Variants in PTPRM observed in about 807,000 individuals in gnomAD.
The protein encoded by PTPRM is receptor-type tyrosine-protein phosphatase mu.
PTPRM carries 47 observed loss-of-function variants against 186.7 expected under a neutral mutation model. The observed-to-expected ratio is 0.25, with a 90% CI of 0.20 to 0.32. The LOEUF (loss-of-function observed/expected upper bound fraction) is 0.32, where lower values mean the gene tolerates loss of function less well. Among genes scored for constraint, PTPRM ranks in the 10% least tolerant of loss-of-function variants. The pLI is 1.00. For missense variants in PTPRM, 1,494 were observed against 1,865.0 expected (o/e 0.80, Z 3.66); for synonymous variants, 668 against 674.9 (o/e 0.99, Z 0.16).
intron 7 of PTPRM, among the ~76,000 whole-genome samples, chr18:8,009,120 A>G (rs903881832): frequency 7.9e-5 from 12 of 152,144 alleles, no homozygotes; most frequent in African/African-American, 2.7e-4. Context: ...GAGCAAGGAC[A>G]TTTCAAACAA....
chr18:7,604,975 T>A (rs1481328582), intron 1 of PTPRM, among the ~76,000 whole-genome samples: 1 of 152,260 alleles, frequency 6.6e-6, no homozygotes, highest in Admixed American at 6.5e-5. Flanking sequence ...TTGAATTTTC[T>A]TTCTTGGTGC....
intron 13 of PTPRM, among the ~76,000 whole-genome samples, chr18:8,118,483 G>A (rs545369724): frequency 1.3e-5 from 2 of 152,202 alleles, no homozygotes; most frequent in East Asian, 1.9e-4. Flanking sequence ...TTCCCAGCAC[G>A]AATTTTTAAG....
At chr18:8,231,990 A>G (rs971550261) in intron 14 of PTPRM, among the ~76,000 whole-genome samples, 1 of 152,136 alleles carries the variant, frequency 6.6e-6, no homozygotes, top group African/African-American at 2.4e-5. Flanking sequence ...GGGTTTGACA[A>G]CTCTATAATG....
chr18:7,635,651 T>C (rs1463042878), intron 1 of PTPRM, among the ~76,000 whole-genome samples: 1 of 152,228 alleles, frequency 6.6e-6, no homozygotes, highest in East Asian at 1.9e-4. Flanking sequence ...AACATTCTTT[T>C]AAAATTTAAG....
chr18:7,753,362 T>C (rs965300156), intron 1 of PTPRM, among the ~76,000 whole-genome samples: 1 of 152,128 alleles, frequency 6.6e-6, no homozygotes, highest in African/African-American at 2.4e-5. Flanking sequence ...ATTTTCTACA[T>C]TTTAAGAGGA....
At chr18:7,687,801 C>T (rs1220723037) in intron 1 of PTPRM, among the ~76,000 whole-genome samples, 12 of 144,040 alleles carry the variant, frequency 8.3e-5, no homozygotes, top group South Asian at 4.3e-4. Flanking sequence ...TTTTTTAAGA[C>T]GGAGTCTCAC....
At chr18:7,690,005 G>C (rs1027886731) in intron 1 of PTPRM, among the ~76,000 whole-genome samples, 1 of 152,040 alleles carries the variant, frequency 6.6e-6, no homozygotes, top group Non-Finnish European at 1.5e-5. Flanking sequence ...TGGACACTTT[G>C]TTTTTTTAAA....
intron 7 of PTPRM, among the ~76,000 whole-genome samples, chr18:7,957,334 G>A: frequency 6.6e-6 from 1 of 152,170 alleles, no homozygotes; most frequent in East Asian, 1.9e-4. Flanking sequence ...AATGGATAAT[G>A]CTCAAAGAGA....
At chr18:7,794,392 G>A (rs2043499404) in intron 2 of PTPRM, among the ~76,000 whole-genome samples, 1 of 152,134 alleles carries the variant, frequency 6.6e-6, no homozygotes, top group South Asian at 2.1e-4. Context: ...GGAGCAGTGG[G>A]GCACTGAAGA....
At chr18:7,903,747 G>A (rs1306669047) in intron 3 of PTPRM, among the ~76,000 whole-genome samples, 1 of 152,106 alleles carries the variant, frequency 6.6e-6, no homozygotes, top group African/African-American at 2.4e-5. Flanking sequence ...TAGTGTTGTG[G>A]CACAGTGTCA....
At chr18:7,921,381 ATTT>A (rs368367424) in intron 4 of PTPRM, among the ~76,000 whole-genome samples, 1 of 136,090 alleles carries the variant, frequency 7.3e-6, no homozygotes, top group Admixed American at 7.3e-5. Context: ...CCTCTAATGA[ATTT>A]TTTTTTTTTT....
In PTPRM at chr18:7,825,270, G is replaced by T. The variant is rs2045421938; in HGVS notation, c.196+50999G>T. On this transcript the variant is annotated intron_variant, in intron 2 of 32. Coordinates refer to ENST00000580170, the MANE Select transcript of PTPRM (RefSeq NM_001105244.2). ...AGTACTGGAACAACTACACCATGTT[G>T]TAAGTGTTCACGTTTTCAAGGGAAA... Among the ~76,000 whole-genome samples the T allele has an allele frequency of 3.3e-5, 5 of 152,130 alleles. No homozygotes were observed. In the South Asian group the frequency reaches 1.0e-3, roughly 32 times the overall value.
chr18:8,380,313 A>T lies in PTPRM; in HGVS notation c.3804A>T (p.Ser1268=). ...AALMDSYKQP[S]AFIVTQHPLP... ...GTTTGCAGAGCTATAAACAGCCTTC[A>T]GCTTTTATAGTCACCCAGCATCCTT... Residue 1268 remains serine, a synonymous_variant, in exon 29 of 33, where the codon TCA becomes TCT. Transcript: ENST00000580170. 6.2e-7 allele frequency: 1 copy of T among 1,613,826 alleles called. No homozygotes were observed. Among genetic ancestry groups the T allele is most frequent in the Non-Finnish European group, 8.5e-7 (1 of 1,179,648 alleles).
intron 19 of PTPRM, among the ~76,000 whole-genome samples, chr18:8,267,338 G>A (rs949291987): frequency 6.6e-6 from 1 of 151,702 alleles, no homozygotes; most frequent in Non-Finnish European, 1.5e-5. Flanking sequence ...TAAGAGTATG[G>A]AGTATTTAAT....
At chr18:8,205,223 A>T (rs1370855835) in intron 14 of PTPRM, among the ~76,000 whole-genome samples, 2 of 152,242 alleles carry the variant, frequency 1.3e-5, no homozygotes, top group East Asian at 1.9e-4. Context: ...GCAAAGAAAC[A>T]GTCATTTCTC....
intron 7 of PTPRM, among the ~76,000 whole-genome samples, chr18:8,025,345 T>G (rs2085502829): frequency 6.6e-6 from 1 of 152,192 alleles, no homozygotes; most frequent in Admixed American, 6.5e-5. Flanking sequence ...TGAAAACGTT[T>G]GGACATTCCT....
chr18:8,234,976 A>G (rs1359695422), intron 14 of PTPRM, among the ~76,000 whole-genome samples: 3 of 152,210 alleles, frequency 2.0e-5, no homozygotes, highest in African/African-American at 7.2e-5. Flanking sequence ...AAATTGTTGG[A>G]TTCAATTTGC....
At chr18:8,233,077 A>G (rs1459713181) in intron 14 of PTPRM, among the ~76,000 whole-genome samples, 2 of 152,224 alleles carry the variant, frequency 1.3e-5, no homozygotes, top group Non-Finnish European at 2.9e-5. Flanking sequence ...CGACAGGAGC[A>G]GTTTGAGTTT....
At chr18:8,075,069 T>C (rs1418057893) in intron 8 of PTPRM, among the ~76,000 whole-genome samples, 4 of 152,216 alleles carry the variant, frequency 2.6e-5, no homozygotes, top group African/African-American at 7.2e-5. Flanking sequence ...TTAATTGTTA[T>C]ATATGGTGTG....
Sources: gnomAD v4.1 joint callset for allele counts (sites outside exome capture counted in the v4.1 genomes callset) on GRCh38, gnomAD v4.1.1 for gene constraint, MANE v1.5 for transcripts, NCBI Gene and HGNC (gene_info 2026-07-23, HGNC 2026-07-21) for gene names.